CNTN4: variants seen among roughly 807,000 people sequenced by gnomAD.
The protein encoded by CNTN4 is contactin 4.
CNTN4 carries 77 observed loss-of-function variants against 122.5 expected under a neutral mutation model. That is an observed-to-expected ratio of 0.63 (90% confidence interval 0.52 to 0.76). The LOEUF is 0.76. Ranked by LOEUF, CNTN4 falls within the 30% of genes least tolerant of loss-of-function variation. The pLI is 0.00. For missense variants in CNTN4, 1,256 were observed against 1,259.1 expected (o/e 1.00, Z 0.04); for synonymous variants, 512 against 447.0 (o/e 1.15, Z -1.83).
chr3:2,276,049 A>G (rs1456758482), intron 2 of CNTN4, among the ~76,000 whole-genome samples: 1 of 151,972 alleles, frequency 6.6e-6, no homozygotes, highest in East Asian at 1.9e-4. Flanking sequence ...TGCTTTTTGT[A>G]TGTCTATAAA....
intron 3 of CNTN4, among the ~76,000 whole-genome samples, chr3:2,549,730 G>A (rs1005668541): frequency 6.6e-5 from 10 of 152,146 alleles, no homozygotes; most frequent in East Asian, 1.9e-4. Flanking sequence ...AGTTAGGGAG[G>A]AGTCCTTCTT....
chr3:2,941,307 TCTC>T (rs1300191319), intron 13 of CNTN4, among the ~76,000 whole-genome samples: 1 of 152,018 alleles, frequency 6.6e-6, no homozygotes, highest in African/African-American at 2.4e-5. Flanking sequence ...CTCCAGGCAA[TCTC>T]CTCCCCTCCC....
intron 4 of CNTN4, among the ~76,000 whole-genome samples, chr3:2,620,877 T>C (rs2081963875): frequency 1.3e-5 from 2 of 152,178 alleles, no homozygotes; most frequent in African/African-American, 2.4e-5. Flanking sequence ...TGATTTTTCC[T>C]TTCGGATCCT....
At chr3:2,256,662 C>G (rs1460957643) in intron 2 of CNTN4, among the ~76,000 whole-genome samples, 2 of 151,886 alleles carry the variant, frequency 1.3e-5, no homozygotes, top group Non-Finnish European at 2.9e-5. Flanking sequence ...GGCAGAGAGC[C>G]AAATCATGAG....
At chr3:2,459,493 A>G (rs887771221) in intron 3 of CNTN4, among the ~76,000 whole-genome samples, 10 of 152,102 alleles carry the variant, frequency 6.6e-5, no homozygotes, top group African/African-American at 2.4e-4. Context: ...CCAAAGCAAA[A>G]TATATTATGA....
At chr3:2,342,700 G>C (rs1210428628) in intron 3 of CNTN4, among the ~76,000 whole-genome samples, 1 of 152,158 alleles carries the variant, frequency 6.6e-6, no homozygotes, top group Non-Finnish European at 1.5e-5. Context: ...TGTGAAGAAG[G>C]ACTTTGTTGG....
chr3:2,677,693 G>A (rs2084948343), intron 4 of CNTN4, among the ~76,000 whole-genome samples: 1 of 152,094 alleles, frequency 6.6e-6, no homozygotes, highest in Non-Finnish European at 1.5e-5. Context: ...ATTCCCAGCA[G>A]ATGGTGGTGG....
At chr3:3,011,358 T>C (rs900096935) in intron 14 of CNTN4, among the ~76,000 whole-genome samples, 11 of 152,196 alleles carry the variant, frequency 7.2e-5, no homozygotes, top group African/African-American at 2.7e-4. Context: ...CGGTTATTAA[T>C]CTTCTCAGCT....
intron 4 of CNTN4, among the ~76,000 whole-genome samples, chr3:2,581,387 C>G (rs921862969): frequency 1.3e-5 from 2 of 152,112 alleles, no homozygotes; most frequent in African/African-American, 4.8e-5. Context: ...ACATTAAGCA[C>G]TCTTGAAAGA....
intron 7 of CNTN4, among the ~76,000 whole-genome samples, chr3:2,826,004 T>C (rs1313618700): frequency 6.6e-6 from 1 of 152,186 alleles, no homozygotes; most frequent in South Asian, 2.1e-4. Context: ...ATTTATATTA[T>C]ATTATCTTTG....
chr3:2,183,111 A>C (rs527979320), intron 2 of CNTN4, among the ~76,000 whole-genome samples: 1 of 152,284 alleles, frequency 6.6e-6, no homozygotes, highest in Admixed American at 6.5e-5. Context: ...TCTATTTTCA[A>C]AATATATCCA....
intron 4 of CNTN4, among the ~76,000 whole-genome samples, chr3:2,703,022 T>C (rs1021616828): frequency 6.6e-6 from 1 of 152,184 alleles, no homozygotes; most frequent in African/African-American, 2.4e-5. Flanking sequence ...TCAAATGAAA[T>C]GGGAGTTACT....
intron 3 of CNTN4, among the ~76,000 whole-genome samples, chr3:2,426,900 T>C (rs1559542775): frequency 6.6e-6 from 1 of 152,228 alleles, no homozygotes; most frequent in Non-Finnish European, 1.5e-5. Flanking sequence ...AATATTTCTG[T>C]GGGATCATTA....
At chr3:2,167,537 C>G (rs1330964360) in intron 2 of CNTN4, among the ~76,000 whole-genome samples, 1 of 152,108 alleles carries the variant, frequency 6.6e-6, no homozygotes, top group East Asian at 1.9e-4. Context: ...ATTAACAAAA[C>G]TATTACCAGA....
intron 3 of CNTN4, among the ~76,000 whole-genome samples, chr3:2,418,941 A>C (rs1013798279): frequency 2.0e-5 from 3 of 152,192 alleles, no homozygotes; most frequent in African/African-American, 7.2e-5. Flanking sequence ...AAAGCTTTGG[A>C]TCTCATGCCA....
In CNTN4 at chr3:2,153,799, T is replaced by A. The variant is rs539046190; in HGVS notation, c.-145+53160T>A. ...TATTTCTGTTTCCTAGGTGAGAGAG[T>A]GTGTTGGCTTCAGCTGTAGCCCTGG... On this transcript the variant is annotated intron_variant, in intron 2 of 24. Coordinates refer to ENST00000418658, the MANE Select transcript of CNTN4 (RefSeq NM_175607.3). Among the ~76,000 whole-genome samples the A allele has an allele frequency of 1.4e-3, 208 of 151,862 alleles. 2 individuals are homozygous for A. The highest frequency in any genetic ancestry group is 2.8e-3 in the Non-Finnish European group (187 of 67,930).
intron 2 of CNTN4, among the ~76,000 whole-genome samples, chr3:2,105,388 A>G (rs2032351996): frequency 1.3e-5 from 2 of 152,198 alleles, no homozygotes; most frequent in South Asian, 4.1e-4. Context: ...ACACTGCTAG[A>G]AAGAACTGCC....
chr3:3,034,002 T>G (rs1699393220), intron 16 of CNTN4, among the ~76,000 whole-genome samples: 1 of 152,226 alleles, frequency 6.6e-6, no homozygotes, highest in African/African-American at 2.4e-5. Flanking sequence ...AGGGAGCGCC[T>G]TGACTCTTGC....
At chr3:2,924,908 A>G (rs1032149016) in intron 12 of CNTN4, among the ~76,000 whole-genome samples, 35 of 152,064 alleles carry the variant, frequency 2.3e-4, no homozygotes, top group Admixed American at 2.0e-3. Context: ...GGTGGCGACC[A>G]TATCAGAGAG....
Sources: gnomAD v4.1 joint callset for allele counts (sites outside exome capture counted in the v4.1 genomes callset) on GRCh38, gnomAD v4.1.1 for gene constraint, MANE v1.5 for transcripts, NCBI Gene and HGNC (gene_info 2026-07-23, HGNC 2026-07-21) for gene names.